PLSCR4: variants seen among roughly 807,000 people sequenced by gnomAD.
The protein encoded by PLSCR4 is Ca(2+)-dependent phospholipid scramblase 4.
In PLSCR4, 25 loss-of-function variants were observed where a neutral mutation model predicts 36.3. The observed-to-expected ratio is 0.69, with a 90% CI of 0.50 to 0.96. The LOEUF is 0.96. Among genes scored for constraint, PLSCR4 ranks in the 40% least tolerant of loss-of-function variants. The pLI, the probability that PLSCR4 is intolerant of heterozygous loss-of-function variation, is 0.00. For missense variants in PLSCR4, 408 were observed against 414.7 expected, an observed-to-expected ratio of 0.98 and a Z score of 0.14; for synonymous variants, 122 against 132.9, an observed-to-expected ratio of 0.92 and a Z score of 0.56.
chr3:146,211,718 A>C (rs1295526620), intron 3 of PLSCR4, among the ~76,000 whole-genome samples: 1 of 152,102 alleles, frequency 6.6e-6, no homozygotes, highest in Non-Finnish European at 1.5e-5. Flanking sequence ...TCTTTGATTC[A>C]TTTAGAGTTT....
chr3:146,238,475 T>C (rs1352661954), intron 1 of PLSCR4, among the ~76,000 whole-genome samples: 1 of 151,938 alleles, frequency 6.6e-6, no homozygotes, highest in African/African-American at 2.4e-5. Flanking sequence ...AGTAATAAAA[T>C]GGTTTATCAA....
In PLSCR4 at chr3:146,194,400, G is replaced by T. The variant is rs750588231; in HGVS notation, c.*11C>A. ...CAAAATTAACCATAGTTGATGGCTT[G>T]CTGTGTCTCTCTATCTTGAACGTTG... On this transcript the variant is annotated 3_prime_UTR_variant, in exon 9 of 9. Transcript: ENST00000354952. The T allele has an allele frequency of 1.3e-6, 2 of 1,597,532 alleles. No individual in the cohort carries two copies. The highest frequency in any genetic ancestry group is 1.7e-6 in the Non-Finnish European group (2 of 1,165,410).
chr3:146,209,770 T>C (rs994769311), intron 3 of PLSCR4, among the ~76,000 whole-genome samples: 14 of 152,102 alleles, frequency 9.2e-5, no homozygotes, highest in South Asian at 2.1e-4. Flanking sequence ...GCTAAGGTCT[T>C]GTAGCTCTAA....
At chr3:146,207,551 A>T (rs2034405513) in intron 3 of PLSCR4, among the ~76,000 whole-genome samples, 1 of 152,014 alleles carries the variant, frequency 6.6e-6, no homozygotes, top group Non-Finnish European at 1.5e-5. Context: ...GGAGAGAGAG[A>T]GACAGAAAGA....
intron 4 of PLSCR4, among the ~76,000 whole-genome samples, chr3:146,204,249 A>C (rs923891299): frequency 1.3e-5 from 2 of 151,870 alleles, no homozygotes; most frequent in Non-Finnish European, 2.9e-5. Flanking sequence ...AGATTCATGT[A>C]ATCTTCATGT....
At chr3:146,215,301 T>C (rs1003130317) in intron 3 of PLSCR4, among the ~76,000 whole-genome samples, 3 of 151,904 alleles carry the variant, frequency 2.0e-5, no homozygotes, top group East Asian at 1.9e-4. Flanking sequence ...GTGTTACTTA[T>C]ACATAAATAT....
intron 1 of PLSCR4, among the ~76,000 whole-genome samples, chr3:146,223,183 G>C (rs2035252174): frequency 6.6e-6 from 1 of 152,086 alleles, no homozygotes; most frequent in African/African-American, 2.4e-5. Context: ...CAAAGAAGAA[G>C]ACTAGAAGTT....
At chr3:146,232,335 T>C (rs1325990545) in intron 1 of PLSCR4, among the ~76,000 whole-genome samples, 1 of 152,164 alleles carries the variant, frequency 6.6e-6, no homozygotes, top group Non-Finnish European at 1.5e-5. Context: ...CTCCTTTTGT[T>C]CCATATGAAT....
intron 3 of PLSCR4, among the ~76,000 whole-genome samples, chr3:146,220,111 T>A (rs886130227): frequency 6.6e-6 from 1 of 152,212 alleles, no homozygotes; most frequent in Non-Finnish European, 1.5e-5. Flanking sequence ...CATTAAAATG[T>A]GTTTAAAGAC....
At chr3:146,222,382 G>A (rs750366527) in intron 1 of PLSCR4, 3 of 187,618 alleles carry the variant, frequency 1.6e-5, no homozygotes, top group East Asian at 2.7e-4. Context: ...AAAGTTTAAC[G>A]TTAGATAGTA....
At chr3:146,209,832 T>C (rs1414622086) in intron 3 of PLSCR4, among the ~76,000 whole-genome samples, 1 of 152,136 alleles carries the variant, frequency 6.6e-6, no homozygotes, top group Non-Finnish European at 1.5e-5. Context: ...TGATGTTGTC[T>C]GAACTGTCAG....
chr3:146,196,503 T>C (rs1576444583), intron 7 of PLSCR4, 129 bp downstream of exon 7: 3 of 855,146 alleles, frequency 3.5e-6, no homozygotes, highest in East Asian at 5.0e-5. Context: ...TGTCAACTGG[T>C]TAATTAACTC....
intron 4 of PLSCR4, 142 bp downstream of exon 4, chr3:146,206,384 T>A (rs2034327634): frequency 3.2e-6 from 2 of 625,928 alleles, no homozygotes; most frequent in Admixed American, 2.8e-5. Context: ...GAAACTGGTA[T>A]CACTGTTCTT....
At chr3:146,209,241 G>A (rs2034495608) in intron 3 of PLSCR4, among the ~76,000 whole-genome samples, 1 of 152,082 alleles carries the variant, frequency 6.6e-6, no homozygotes, top group East Asian at 1.9e-4. Context: ...TGATACAATG[G>A]AATGGACTTT....
rs1576442799 is a variant in PLSCR4, at chr3:146,195,223, C to T, written c.846G>A (p.Leu282=). ...GGTCAGCATCTGCCATTGCTGATAA[C>T]AAACCATTCCACTTCCGGATAATAC... ...IGSIIRKWNG[L]LSAMADADHF... Residue 282 remains leucine (L), a synonymous_variant, in exon 8 of 9, where the codon TTG becomes TTA. Transcript: ENST00000354952. 1 of 1,613,638 alleles carries T rather than the reference C, an allele frequency of 6.2e-7. No individual in the cohort carries two copies. Among genetic ancestry groups the T allele is most frequent in the Non-Finnish European group, 8.5e-7 (1 of 1,179,614 alleles).
intron 3 of PLSCR4, among the ~76,000 whole-genome samples, chr3:146,218,435 A>G (rs551277730): frequency 1.6e-4 from 24 of 151,982 alleles, no homozygotes; most frequent in African/African-American, 5.8e-4. Flanking sequence ...AATAAATCAG[A>G]AAAAAATTGC....
At chr3:146,217,581 T>C (rs1334701570) in intron 3 of PLSCR4, among the ~76,000 whole-genome samples, 2 of 152,230 alleles carry the variant, frequency 1.3e-5, no homozygotes, top group Non-Finnish European at 2.9e-5. Flanking sequence ...CAAGGAAGGC[T>C]GATTTTGGTG....
intron 1 of PLSCR4, among the ~76,000 whole-genome samples, chr3:146,245,868 C>T (rs13064230): frequency 0.036 from 5,545 of 152,172 alleles, 154 homozygotes; most frequent in South Asian, 0.073. Flanking sequence ...ATATTATGCA[C>T]ACCTTTCCAA....
At chr3:146,248,479 C>A (rs1011182299) in intron 1 of PLSCR4, among the ~76,000 whole-genome samples, 1 of 148,122 alleles carries the variant, frequency 6.8e-6, no homozygotes, top group Admixed American at 6.6e-5. Context: ...TACTACACTA[C>A]ACACACACAG....
Sources: allele counts gnomAD v4.1 joint callset (sites outside exome capture counted in the v4.1 genomes callset), GRCh38; gene constraint gnomAD v4.1.1; transcripts MANE v1.5; gene names NCBI Gene and HGNC (gene_info 2026-07-23, HGNC 2026-07-21).